ADGRL2: variants seen among roughly 807,000 people sequenced by gnomAD.
The protein encoded by ADGRL2 is calcium-independent alpha-latrotoxin receptor 2.
ADGRL2 carries 44 observed loss-of-function variants against 157.4 expected under a neutral mutation model. The ratio of observed to expected loss-of-function variants is 0.28; its 90% CI spans 0.22 to 0.36. The LOEUF (loss-of-function observed/expected upper bound fraction) is 0.36, where lower values mean the gene tolerates loss of function less well. ADGRL2 is among the 10% of genes least tolerant of loss of function. ADGRL2 has a pLI of 1.00. For synonymous variants in ADGRL2, 585 were observed against 624.7 expected (o/e 0.94, Z 0.95); for missense variants, 1,510 against 1,768.9 (o/e 0.85, Z 2.63).
Position 81,720,179 on chromosome 1 carries a change from C to CTT in ADGRL2, c.-143+20374_-143+20375dup, listed in dbSNP as rs370916970. Among the ~76,000 whole-genome samples, 150 of 138,860 alleles carry CTT rather than the reference C, an allele frequency of 1.1e-3. 1 individual carries two copies. The highest frequency in any genetic ancestry group is 1.9e-3 in the South Asian group (8 of 4,202). The allele number at this position is 138,860 out of a possible 152,430, so 91.1% of individuals were successfully genotyped here. On this transcript the variant is annotated intron_variant, in intron 1 of 20. Coordinates refer to the ADGRL2 transcript ENST00000359929. ...TGAAATTAAAAGCATTCCTTTTTTT[C>CTT]TTTTCTTTTTTTTTTTTTTTTGAGA...
chr1:81,591,480 T>C (rs574039726), intron 3 of ADGRL2, among the ~76,000 whole-genome samples: 1 of 152,276 alleles, frequency 6.6e-6, no homozygotes, highest in South Asian at 2.1e-4. Context: ...CTAATGAGGT[T>C]TTCTGACTAT....
At chr1:81,822,648 G>T (rs1456584437) in intron 1 of ADGRL2, among the ~76,000 whole-genome samples, 2 of 151,912 alleles carry the variant, frequency 1.3e-5, no homozygotes, top group African/African-American at 2.4e-5. Flanking sequence ...GAGTATCTAG[G>T]GCTATAGGCC....
intron 3 of ADGRL2, among the ~76,000 whole-genome samples, chr1:81,678,644 A>C (rs1159774150): frequency 2.0e-5 from 3 of 152,232 alleles, no homozygotes; most frequent in Non-Finnish European, 4.4e-5. Flanking sequence ...ATATAACAGC[A>C]AAGTGGCCTT....
chr1:81,378,702 T>C (rs1365494636), intron 1 of ADGRL2, among the ~76,000 whole-genome samples: 1 of 152,026 alleles, frequency 6.6e-6, no homozygotes, highest in Admixed American at 6.6e-5. Flanking sequence ...ATATACCTCA[T>C]TGGGAAAACT....
intron 2 of ADGRL2, among the ~76,000 whole-genome samples, chr1:81,526,883 G>A (rs892131094): frequency 2.6e-5 from 4 of 152,160 alleles, no homozygotes; most frequent in Non-Finnish European, 4.4e-5. Context: ...TAACACAAGC[G>A]CACCTCCTTA....
intron 18 of ADGRL2, 117 bp from the exon 19 acceptor site, chr1:81,981,691 G>T (rs970671174): frequency 4.9e-6 from 4 of 811,214 alleles, no homozygotes; most frequent in Admixed American, 2.4e-5. Context: ...AAATGCTGTT[G>T]AATATGAATG....
rs1434311669 is a variant in ADGRL2 at position 81,992,013 on chromosome 1, A to C, written c.*868A>C. On this transcript the variant is annotated 3_prime_UTR_variant, in exon 24 of 24. Transcript: ENST00000686636. Reference sequence around the variant, plus strand: ...ACTTACATTTAAATTTCTTATTGCCAAAAGAACGTGTTTTATGGGGAGAAA... The same window carrying C: ...ACTTACATTTAAATTTCTTATTGCCCAAAGAACGTGTTTTATGGGGAGAAA... 2 of 152,534 alleles carry C rather than the reference A, an allele frequency of 1.3e-5. No homozygotes were observed. Among genetic ancestry groups the C allele is most frequent in the Non-Finnish European group, 2.9e-5 (2 of 68,006 alleles). 9.4% of individuals were successfully genotyped at this position (152,534 alleles called of 1,614,324 possible). A position where few individuals can be genotyped will look rare whatever the true frequency, so the allele number is the denominator to read the frequency against.
intron 1 of ADGRL2, among the ~76,000 whole-genome samples, chr1:81,393,359 A>G (rs1423924973): frequency 6.7e-6 from 1 of 149,872 alleles, no homozygotes. Flanking sequence ...CCCCAGGGAA[A>G]AAAAAAAAAA....
intron 1 of ADGRL2, among the ~76,000 whole-genome samples, chr1:81,368,896 T>C (rs1553158116): frequency 6.6e-6 from 1 of 152,168 alleles, no homozygotes; most frequent in Non-Finnish European, 1.5e-5. Flanking sequence ...GTCATCCTTT[T>C]TTTACATAAT....
intron 1 of ADGRL2, among the ~76,000 whole-genome samples, chr1:81,315,792 C>A (rs1660067311): frequency 6.6e-6 from 1 of 151,426 alleles, no homozygotes; most frequent in Admixed American, 6.6e-5. Flanking sequence ...ATTTGTTGAA[C>A]TTTTTAAAAT....
intron 2 of ADGRL2, among the ~76,000 whole-genome samples, chr1:81,448,671 A>AAACT (rs1229275256): frequency 6.6e-6 from 1 of 152,106 alleles, no homozygotes; most frequent in Admixed American, 6.6e-5. Flanking sequence ...CAACATGGAA[A>AAACT]AACTCTGTCT....
chr1:81,715,501 T>G (rs1445639235), intron 1 of ADGRL2, among the ~76,000 whole-genome samples: 1 of 152,132 alleles, frequency 6.6e-6, no homozygotes, highest in Non-Finnish European at 1.5e-5. Context: ...CCTTTCAACC[T>G]TTTAAAATCA....
chr1:81,645,678 T>C (rs1248166081), intron 3 of ADGRL2, among the ~76,000 whole-genome samples: 2 of 152,170 alleles, frequency 1.3e-5, no homozygotes, highest in Admixed American at 6.5e-5. Flanking sequence ...ACAATGTATA[T>C]TGATTGTCCT....
chr1:81,462,350 C>T (rs2077954964), intron 2 of ADGRL2, among the ~76,000 whole-genome samples: 1 of 152,132 alleles, frequency 6.6e-6, no homozygotes, highest in Admixed American at 6.5e-5. Flanking sequence ...TGCTGTTTAT[C>T]ATAAATCTTG....
chr1:81,649,762 CA>C (rs2082377032), intron 3 of ADGRL2, among the ~76,000 whole-genome samples: 1 of 152,078 alleles, frequency 6.6e-6, no homozygotes, highest in Non-Finnish European at 1.5e-5. Flanking sequence ...GTAATTTGCC[CA>C]AGGTCATGAT....
intron 1 of ADGRL2, among the ~76,000 whole-genome samples, chr1:81,754,768 C>A (rs141262731): frequency 6.7e-6 from 1 of 149,784 alleles, no homozygotes; most frequent in East Asian, 2.0e-4. Flanking sequence ...CAACATGCAA[C>A]TTTCTTGCTT....
intron 1 of ADGRL2, among the ~76,000 whole-genome samples, chr1:81,736,207 A>G (rs938253354): frequency 4.0e-5 from 6 of 150,260 alleles, no homozygotes; most frequent in Admixed American, 3.3e-4. Flanking sequence ...TGGTCATTCT[A>G]TGATGCTGTA....
At chr1:81,426,670 A>G in intron 1 of ADGRL2, 1 of 467,730 alleles carries the variant, frequency 2.1e-6, no homozygotes, top group South Asian at 1.6e-5. Flanking sequence ...ACCCCCAAAG[A>G]AAACGTTCCA....
rs184494243 is a variant in ADGRL2, at chr1:81,505,061, G to A, written c.-248+59972G>A. On this transcript the variant is annotated intron_variant, in intron 2 of 24. Coordinates refer to the ADGRL2 transcript ENST00000370721. The stretch of plus-strand genomic sequence containing the variant: ...ATGTGGCGTGGGTGTGTGTGGCGGC[G>A]TGGCTCGCACTCAGTCCTGTGTAGG... The A allele has an allele frequency of 4.2e-3, 1,661 of 398,856 alleles. 11 individuals are homozygous for A. The highest frequency in any genetic ancestry group is 0.022 in the Middle Eastern group (30 of 1,384). 24.7% of individuals were successfully genotyped at this position (398,856 alleles called of 1,614,324 possible). A position where few individuals can be genotyped will look rare whatever the true frequency, so the allele number is the denominator to read the frequency against.
Sources: allele counts gnomAD v4.1 joint callset (sites outside exome capture counted in the v4.1 genomes callset), GRCh38; gene constraint gnomAD v4.1.1; transcripts MANE v1.5; gene names NCBI Gene and HGNC (gene_info 2026-07-23, HGNC 2026-07-21).